The following DNAJC1 variants were observed in gnomAD, a reference collection of about 807,000 sequenced individuals.
DNAJC1 encodes dnaJ homolog subfamily C member 1.
A neutral mutation model predicts 76.6 loss-of-function variants in DNAJC1; 58 were observed. That is an observed-to-expected ratio of 0.76 (90% CI 0.61 to 0.94). The LOEUF (loss-of-function observed/expected upper bound fraction) is 0.94. Ranked by LOEUF, DNAJC1 falls within the 40% of genes least tolerant of loss-of-function variation. The pLI, the probability that DNAJC1 is intolerant of heterozygous loss-of-function variation, is 0.00. For synonymous variants in DNAJC1, 258 were observed against 267.9 expected (o/e 0.96, Z 0.36); for missense variants, 689 against 677.3 (o/e 1.02, Z -0.19).
At chr10:21,789,186 A>T (rs971553009) in intron 9 of DNAJC1, among the ~76,000 whole-genome samples, 2 of 152,176 alleles carry the variant, frequency 1.3e-5, no homozygotes, top group South Asian at 2.1e-4. Flanking sequence ...ACAACCAAAG[A>T]ATTAACAACC....
intron 8 of DNAJC1, among the ~76,000 whole-genome samples, chr10:21,863,463 C>T (rs1456640729): frequency 6.6e-6 from 1 of 152,058 alleles, no homozygotes; most frequent in Non-Finnish European, 1.5e-5. Context: ...AGATGAAATT[C>T]TACACAGAGG....
At chr10:21,834,507 C>T (rs569535910) in intron 8 of DNAJC1, among the ~76,000 whole-genome samples, 2 of 152,254 alleles carry the variant, frequency 1.3e-5, no homozygotes, top group South Asian at 2.1e-4. Context: ...GTACGCGAGC[C>T]GAAGCAGGGC....
In DNAJC1 at chr10:21,841,945, T is replaced by C. The variant is rs545549728; in HGVS notation, c.979-35846A>G. Among the ~76,000 whole-genome samples, 199 of 151,870 alleles carry C rather than the reference T, an allele frequency of 1.3e-3. 1 individual carries two copies. The Middle Eastern group carries it at 0.017, about 13-fold the overall frequency. Reference sequence around the variant, plus strand: ...AAAAATGATGAGTTCATGTCCTTTGTAGGGACATGGATGAAACTGGAAACC... The same window carrying C: ...AAAAATGATGAGTTCATGTCCTTTGCAGGGACATGGATGAAACTGGAAACC... On this transcript the variant is annotated intron_variant, in intron 8 of 11. Coordinates refer to ENST00000376980, the MANE Select transcript of DNAJC1 (RefSeq NM_022365.4).
At chr10:21,838,117 G>A (rs1835502932) in intron 8 of DNAJC1, among the ~76,000 whole-genome samples, 1 of 152,070 alleles carries the variant, frequency 6.6e-6, no homozygotes, top group Admixed American at 6.5e-5. Context: ...ACCCCGTCTG[G>A]GAGGTGTACC....
chr10:21,970,462 A>G (rs1346285771), intron 1 of DNAJC1, among the ~76,000 whole-genome samples: 1 of 152,096 alleles, frequency 6.6e-6, no homozygotes, highest in Non-Finnish European at 1.5e-5. Context: ...AGAAGCAGGA[A>G]ATTCTCAGTT....
chr10:21,890,207 G>T (rs1397979185), intron 7 of DNAJC1, among the ~76,000 whole-genome samples: 2 of 151,832 alleles, frequency 1.3e-5, no homozygotes, highest in Non-Finnish European at 2.9e-5. Flanking sequence ...GAGGTCAGGA[G>T]TTCAAGACCA....
rs193269779 is a variant in DNAJC1, at chr10:21,984,610, T to C, written c.222+18603A>G. 1.1e-4 allele frequency among the ~76,000 whole-genome samples: 16 copies of C among 151,922 alleles called. No homozygotes were observed. In the East Asian group the frequency reaches 1.9e-3, roughly 18 times the overall value. ...ACCCCAATATCCAATAACATAGGAG[T>C]TCTACTAAAAGGAGAATGGATAGGT... On this transcript the variant is annotated intron_variant, in intron 1 of 11. Coordinates refer to ENST00000376980, the MANE Select transcript of DNAJC1 (RefSeq NM_022365.4).
intron 1 of DNAJC1, among the ~76,000 whole-genome samples, chr10:21,956,977 C>T (rs1187884043): frequency 3.3e-5 from 5 of 151,408 alleles, no homozygotes; most frequent in African/African-American, 7.3e-5. Flanking sequence ...CTGCAACCTC[C>T]GCCTCCCGGG....
At chr10:21,866,221 A>C (rs960366107) in intron 8 of DNAJC1, among the ~76,000 whole-genome samples, 2 of 151,778 alleles carry the variant, frequency 1.3e-5, no homozygotes, top group Non-Finnish European at 2.9e-5. Flanking sequence ...ACAGATCTAA[A>C]GTAGTTTTAT....
chr10:21,895,627 G>C (rs993796323), intron 7 of DNAJC1, among the ~76,000 whole-genome samples: 6 of 152,168 alleles, frequency 3.9e-5, no homozygotes, highest in African/African-American at 1.4e-4. Flanking sequence ...AGGTTTTAAA[G>C]TATGCTTGAG....
At chr10:21,981,357 T>C (rs1280846835) in intron 1 of DNAJC1, among the ~76,000 whole-genome samples, 1 of 152,176 alleles carries the variant, frequency 6.6e-6, no homozygotes, top group South Asian at 2.1e-4. Flanking sequence ...TGCGGTGTAC[T>C]ATAAATTAAG....
At chr10:21,784,500 C>T (rs1306263280) in intron 9 of DNAJC1, among the ~76,000 whole-genome samples, 1 of 152,146 alleles carries the variant, frequency 6.6e-6, no homozygotes, top group Non-Finnish European at 1.5e-5. Context: ...GGTGATTCCT[C>T]AAGGATCTAG....
chr10:21,981,279 C>T (rs948798843), intron 1 of DNAJC1, among the ~76,000 whole-genome samples: 2 of 152,104 alleles, frequency 1.3e-5, no homozygotes, highest in African/African-American at 4.8e-5. Context: ...GGTATGGAGA[C>T]CAGTTAGATT....
At chr10:21,866,134 CAAAAAA>C (rs1306930222) in intron 8 of DNAJC1, among the ~76,000 whole-genome samples, 1 of 34,032 alleles carries the variant, frequency 2.9e-5, no homozygotes, top group Non-Finnish European at 6.6e-5. Flanking sequence ...GACTTCAACT[CAAAAAA>C]AAAAAAAAAA....
intron 7 of DNAJC1, among the ~76,000 whole-genome samples, chr10:21,883,251 A>AACACACACACACACACACACACAC (rs3032395): frequency 5.4e-5 from 7 of 129,024 alleles, no homozygotes; most frequent in East Asian, 2.5e-4. Context: ...TTCTATCTCA[A>AACACACACACACACACACACACAC]ACACACACAC....
chr10:21,876,745 G>C (rs1275621261), intron 8 of DNAJC1, among the ~76,000 whole-genome samples: 1 of 152,200 alleles, frequency 6.6e-6, no homozygotes, highest in East Asian at 1.9e-4. Flanking sequence ...GACCTACACA[G>C]TTATGGACAC....
At chr10:21,836,752 G>T (rs1835466197) in intron 8 of DNAJC1, among the ~76,000 whole-genome samples, 1 of 152,132 alleles carries the variant, frequency 6.6e-6, no homozygotes, top group Non-Finnish European at 1.5e-5. Flanking sequence ...TAATGGTAAA[G>T]GGATCAATTC....
intron 9 of DNAJC1, among the ~76,000 whole-genome samples, chr10:21,768,736 G>T (rs1381047446): frequency 1.3e-5 from 2 of 152,134 alleles, no homozygotes; most frequent in African/African-American, 4.8e-5. Flanking sequence ...TCCAACATGA[G>T]CTTCCTTGAC....
chr10:21,851,641 C>A (rs1211909736), intron 8 of DNAJC1, among the ~76,000 whole-genome samples: 3 of 152,162 alleles, frequency 2.0e-5, no homozygotes, highest in Admixed American at 2.0e-4. Context: ...CAGGTATATA[C>A]CCAAAGCAAT....
Sources: allele counts gnomAD v4.1 joint callset (sites outside exome capture counted in the v4.1 genomes callset), GRCh38; gene constraint gnomAD v4.1.1; transcripts MANE v1.5; gene names NCBI Gene and HGNC (gene_info 2026-07-23, HGNC 2026-07-21).